PDHX: variants seen among roughly 807,000 people sequenced by gnomAD.
PDHX encodes the protein pyruvate dehydrogenase complex component X.
A neutral mutation model predicts 55.3 loss-of-function variants in PDHX; 33 were observed. The observed-to-expected ratio is 0.60, with a 90% CI of 0.45 to 0.80. PDHX has a LOEUF of 0.80. PDHX is among the 30% of genes least tolerant of loss of function. PDHX has a pLI of 0.00. For missense variants in PDHX, 622 were observed against 619.9 expected, an observed-to-expected ratio of 1.00 and a Z score of -0.04; for synonymous variants, 226 against 219.4, an observed-to-expected ratio of 1.03 and a Z score of -0.27.
intron 2 of PDHX, among the ~76,000 whole-genome samples, chr11:34,942,184 G>A (rs1032293061): frequency 2.0e-5 from 3 of 151,682 alleles, no homozygotes; most frequent in Admixed American, 2.0e-4. Context: ...TTTGTTGGAT[G>A]ATCTGGTAGA....
chr11:34,947,455 T>C (rs1404995230), intron 2 of PDHX, 51 bp from the exon 3 acceptor site: 1 of 1,137,558 alleles, frequency 8.8e-7, no homozygotes, highest in South Asian at 1.3e-5. Flanking sequence ...CATATATACA[T>C]AGTAATATTT....
intron 1 of PDHX, among the ~76,000 whole-genome samples, chr11:34,929,478 G>A (rs1394995219): frequency 3.3e-5 from 5 of 152,122 alleles, no homozygotes; most frequent in Non-Finnish European, 7.3e-5. Flanking sequence ...TGCCCACCTC[G>A]GCAAAAGTGG....
At chr11:34,966,287 T>C (rs1855129180) in intron 5 of PDHX, among the ~76,000 whole-genome samples, 1 of 152,200 alleles carries the variant, frequency 6.6e-6, no homozygotes, top group African/African-American at 2.4e-5. Flanking sequence ...TATTATTTCA[T>C]GAGTATAAAG....
At chr11:34,940,216 G>T (rs531299448) in intron 2 of PDHX, among the ~76,000 whole-genome samples, 2 of 152,252 alleles carry the variant, frequency 1.3e-5, no homozygotes, top group South Asian at 2.1e-4. Flanking sequence ...CACCCACAGT[G>T]CCTAGAATGT....
At chr11:34,949,819 A>G (rs1854713334) in intron 3 of PDHX, among the ~76,000 whole-genome samples, 1 of 152,194 alleles carries the variant, frequency 6.6e-6, no homozygotes, top group Admixed American at 6.5e-5. Flanking sequence ...ACATTTATGT[A>G]ATGTTTGCAA....
chr11:34,917,289 G>C (rs1178003951), intron 1 of PDHX, among the ~76,000 whole-genome samples: 1 of 152,120 alleles, frequency 6.6e-6, no homozygotes, highest in Non-Finnish European at 1.5e-5. Context: ...TTTACCCCAC[G>C]CCATGACTCG....
At position 34,984,744 on chromosome 11, in the gene PDHX, G is replaced by A; in HGVS notation, c.1182+16G>A. 9 of 1,612,000 alleles carry A rather than the reference G, an allele frequency of 5.6e-6. No individual in the cohort carries two copies. Among genetic ancestry groups the A allele is most frequent in the Non-Finnish European group, 7.6e-6 (9 of 1,178,146 alleles). ...CTCTGTAAAGGTATGTCTTAAGAAA[G>A]AGTGTGCTTTCAAAATGTTAGCATA... On this transcript the variant is annotated intron_variant, in intron 9 of 10. Transcript: ENST00000227868.
intron 6 of PDHX, among the ~76,000 whole-genome samples, chr11:34,967,500 A>C (rs955835000): frequency 2.1e-4 from 32 of 152,188 alleles, no homozygotes; most frequent in African/African-American, 7.2e-4. Context: ...GATATGTTCT[A>C]CTTTTTAACT....
At chr11:34,991,635 A>T (rs1855759545) in intron 9 of PDHX, among the ~76,000 whole-genome samples, 1 of 152,080 alleles carries the variant, frequency 6.6e-6, no homozygotes, top group African/African-American at 2.4e-5. Context: ...TTGGCCAGGC[A>T]TGGTGGCTCA....
upstream of PDHX, chr11:34,916,038 T>A: frequency 1.4e-6 from 1 of 703,916 alleles, no homozygotes; most frequent in East Asian, 2.9e-5. Context: ...AGACCACTGA[T>A]CTCCTGGGGC....
intron 1 of PDHX, among the ~76,000 whole-genome samples, chr11:34,924,308 C>A (rs1306885475): frequency 6.6e-6 from 1 of 152,132 alleles, no homozygotes; most frequent in Non-Finnish European, 1.5e-5. Context: ...GTGGGGCGGT[C>A]TCGGCTCACT....
In PDHX at chr11:34,995,090, G is replaced by A; in HGVS notation, c.1424G>A (p.Ser475Asn). 1.2e-6 allele frequency: 2 copies of A among 1,614,070 alleles called. No individual in the cohort carries two copies. The highest frequency in any genetic ancestry group is 1.7e-6 in the Non-Finnish European group (2 of 1,179,948). ...ATAACAGTCACAATGTCAAGTGACA[G>A]TCGAGTGGTTGATGACGAACTGGCA... ...QLITVTMSSD[S>N]RVVDDELATR... is the part of the protein sequence containing the mutation. Residue 475 changes from serine to asparagine, a missense_variant, in exon 11 of 11, where the codon AGT becomes AAT. Coordinates refer to ENST00000227868, the MANE Select transcript of PDHX (RefSeq NM_003477.3).
chr11:34,939,212 G>A (rs1854412194), intron 2 of PDHX, among the ~76,000 whole-genome samples: 1 of 151,954 alleles, frequency 6.6e-6, no homozygotes, highest in South Asian at 2.1e-4. Context: ...CTTATTAACT[G>A]TTTTTTGTTT....
rs1008470703 is a variant in PDHX at position 34,995,981 on chromosome 11, T to C, written c.*809T>C. On this transcript the variant is annotated 3_prime_UTR_variant, in exon 11 of 11. Coordinates refer to ENST00000227868, the MANE Select transcript of PDHX (RefSeq NM_003477.3). ...TGTTATCTCTTGCCAAACATTTTGTTAGTGTTTATTTAAAAACAAAATGTT... is the reference window on the plus strand; with the variant it reads ...TGTTATCTCTTGCCAAACATTTTGTCAGTGTTTATTTAAAAACAAAATGTT... 2 of 152,212 alleles carry C rather than the reference T, an allele frequency of 1.3e-5. No individual in the cohort carries two copies. The highest frequency in any genetic ancestry group is 2.9e-5 in the Non-Finnish European group (2 of 68,004). 9.4% of individuals were successfully genotyped at this position (152,212 alleles called of 1,614,324 possible).
upstream of PDHX, chr11:34,916,574 G>A: frequency 5.1e-6 from 8 of 1,569,338 alleles, no homozygotes; most frequent in South Asian, 1.1e-5. Context: ...GCGTCTGGGG[G>A]CGTGGCCAAC....
intron 3 of PDHX, among the ~76,000 whole-genome samples, chr11:34,948,534 A>AT (rs2133963754): frequency 6.7e-6 from 1 of 149,136 alleles, no homozygotes; most frequent in African/African-American, 2.5e-5. Flanking sequence ...TCTAGAGACA[A>AT]TTTTTTATTT....
At chr11:34,922,308 A>G (rs747943025) in intron 1 of PDHX, among the ~76,000 whole-genome samples, 3 of 152,206 alleles carry the variant, frequency 2.0e-5, no homozygotes, top group South Asian at 2.1e-4. Flanking sequence ...CAAGAAAGAA[A>G]TTTGGGGATA....
At chr11:34,958,103 A>G (rs1854944612) in intron 4 of PDHX, among the ~76,000 whole-genome samples, 1 of 152,178 alleles carries the variant, frequency 6.6e-6, no homozygotes, top group African/African-American at 2.4e-5. Context: ...ACATCATTTC[A>G]CTTTAGTTTT....
chr11:34,918,647 T>C (rs1853802847), intron 1 of PDHX, among the ~76,000 whole-genome samples: 1 of 152,224 alleles, frequency 6.6e-6, no homozygotes, highest in African/African-American at 2.4e-5. Context: ...ATTAGTTTTC[T>C]AGTGCTGCTG....
Sources: allele counts gnomAD v4.1 joint callset (sites outside exome capture counted in the v4.1 genomes callset), GRCh38; gene constraint gnomAD v4.1.1; transcripts MANE v1.5; gene names NCBI Gene and HGNC (gene_info 2026-07-23, HGNC 2026-07-21).